CSMD1: variants seen among roughly 807,000 people sequenced by gnomAD.
The protein encoded by CSMD1 is CUB and Sushi multiple domains 1, also known as CUB and sushi domain-containing protein 1.
Under a neutral mutation model 417.5 loss-of-function variants are expected in CSMD1, and 213 were observed. That is an observed-to-expected ratio of 0.51 (90% CI 0.46 to 0.57). The LOEUF (loss-of-function observed/expected upper bound fraction) is 0.57. Among genes scored for constraint, CSMD1 ranks in the 20% least tolerant of loss-of-function variants. The pLI is 0.00. For synonymous variants in CSMD1, 2,862 were observed against 1,736.8 expected, an observed-to-expected ratio of 1.65 and a Z score of -16.11; for missense variants, 6,923 against 4,529.7, an observed-to-expected ratio of 1.53 and a Z score of -15.17.
intron 49 of CSMD1, among the ~76,000 whole-genome samples, chr8:3,065,337 G>C (rs1034084597): frequency 3.6e-4 from 54 of 151,946 alleles, no homozygotes; most frequent in Admixed American, 6.6e-4. Flanking sequence ...ACAACAGATA[G>C]AAAGATAGAT....
intron 3 of CSMD1, among the ~76,000 whole-genome samples, chr8:4,164,707 G>C (rs1430516369): frequency 6.6e-6 from 1 of 151,994 alleles, no homozygotes; most frequent in Non-Finnish European, 1.5e-5. Context: ...TGAGGTGGAG[G>C]AAAGATTCAA....
intron 3 of CSMD1, among the ~76,000 whole-genome samples, chr8:4,341,048 T>G (rs1047413928): frequency 1.3e-5 from 2 of 152,042 alleles, no homozygotes; most frequent in Non-Finnish European, 2.9e-5. Flanking sequence ...ATCTATACTC[T>G]AAATCAACGT....
At chr8:3,730,110 A>G (rs1186252075) in intron 6 of CSMD1, among the ~76,000 whole-genome samples, 2 of 152,090 alleles carry the variant, frequency 1.3e-5, no homozygotes, top group African/African-American at 2.4e-5. Context: ...CGTTTGCAAA[A>G]GTAAACTACT....
Position 2,955,762 on chromosome 8 carries a change from G to A in CSMD1, c.9821C>T (p.Ala3274Val). The change falls in exon 64 of 70, where the codon GCC becomes GTC. Residue 3274 changes from alanine to valine, a missense_variant. Ala to Val is a moderately conservative substitution (Grantham distance 64, BLOSUM62 0). Coordinates refer to ENST00000635120, the MANE Select transcript of CSMD1 (RefSeq NM_033225.6). ...TGCCGGGGTTTCTGGCTGTCTGCAG[G>A]CATGAGCTGAAACAACATTAGGAAA... ...SGIQTECIPH[A>V]CRQPETPAHA... The A allele has an allele frequency of 6.2e-7, 1 of 1,613,450 alleles. No homozygotes were observed. The highest frequency in any genetic ancestry group is 1.3e-5 in the African/African-American group (1 of 74,996).
chr8:3,797,155 A>T (rs956011839), intron 5 of CSMD1, among the ~76,000 whole-genome samples: 1 of 151,942 alleles, frequency 6.6e-6, no homozygotes, highest in Admixed American at 6.6e-5. Flanking sequence ...TCAACATAAT[A>T]ATTGAATTTC....
rs79653425 is a variant in CSMD1, at chr8:3,740,771, A to C, written c.931+13159T>G. ...ACAAAGGAAAGCAAAGGAAAAAGTG[A>C]AATGAAGAATCACTGTGTTTACCTT... On this transcript the variant is annotated intron_variant, in intron 6 of 69. Transcript: ENST00000635120. Among the ~76,000 whole-genome samples the C allele has an allele frequency of 4.9e-3, 751 of 152,320 alleles. 3 individuals are homozygous for C. The highest frequency in any genetic ancestry group is 0.017 in the African/African-American group (687 of 41,554).
Position 4,181,731 on chromosome 8 carries a change from A to G in CSMD1, c.416-149632T>C, listed in dbSNP as rs774049796. 1.2e-4 allele frequency among the ~76,000 whole-genome samples: 9 copies of G among 76,028 alleles called. 1 individual carries two copies. In the South Asian group the frequency reaches 4.3e-3, roughly 36 times the overall value. The allele number at this position is 76,028 out of a possible 152,430, so 49.9% of individuals were successfully genotyped here. A position where few individuals can be genotyped will look rare whatever the true frequency, so the allele number is the denominator to read the frequency against. ...TCTCCCCTCAGAAATTCTAAACATAAAACAAAATAAACAACAATTCTTATC... is the reference window on the plus strand; with the variant it reads ...TCTCCCCTCAGAAATTCTAAACATAGAACAAAATAAACAACAATTCTTATC... On this transcript the variant is annotated intron_variant, in intron 3 of 69. Transcript: ENST00000635120.
intron 8 of CSMD1, among the ~76,000 whole-genome samples, chr8:3,610,222 C>CT (rs1246065154): frequency 3.3e-5 from 5 of 152,094 alleles, no homozygotes; most frequent in Non-Finnish European, 7.3e-5. Context: ...TCCCATGGAA[C>CT]ATAAATAGTA....
chr8:4,343,825 C>T (rs1228791877), intron 3 of CSMD1, among the ~76,000 whole-genome samples: 7 of 152,126 alleles, frequency 4.6e-5, no homozygotes, highest in African/African-American at 9.7e-5. Flanking sequence ...TGAGACACTA[C>T]CACTTCAATT....
chr8:3,391,053 G>T (rs778296857), intron 17 of CSMD1, among the ~76,000 whole-genome samples: 3 of 152,150 alleles, frequency 2.0e-5, no homozygotes, highest in Non-Finnish European at 4.4e-5. Context: ...CCATGCGTGT[G>T]CCTGTGAGTG....
intron 49 of CSMD1, among the ~76,000 whole-genome samples, chr8:3,074,433 C>A (rs535806408): frequency 3.3e-5 from 5 of 152,302 alleles, no homozygotes; most frequent in African/African-American, 9.6e-5. Flanking sequence ...GCGTCGGTCA[C>A]CCCACCTCCT....
intron 3 of CSMD1, among the ~76,000 whole-genome samples, chr8:4,041,004 CTTTTTTTT>C (rs1226391565): frequency 1.2e-4 from 16 of 129,806 alleles, no homozygotes; most frequent in African/African-American, 3.4e-4. Context: ...TCTTTTCTTT[CTTTTTTTT>C]TTTCCTTTTT....
At chr8:3,597,797 G>C (rs141214620) in intron 8 of CSMD1, among the ~76,000 whole-genome samples, 1 of 152,048 alleles carries the variant, frequency 6.6e-6, no homozygotes, top group African/African-American at 2.4e-5. Flanking sequence ...GAGAATACAC[G>C]GACACAGGGA....
intron 28 of CSMD1, among the ~76,000 whole-genome samples, chr8:3,222,629 A>G (rs17079642): frequency 0.028 from 4,293 of 152,218 alleles, 202 homozygotes; most frequent in African/African-American, 0.097. Context: ...ACCCATTTAT[A>G]ATATCTTGAA....
chr8:3,402,507 A>T (rs1000776270), intron 15 of CSMD1, among the ~76,000 whole-genome samples: 3 of 152,140 alleles, frequency 2.0e-5, no homozygotes, highest in Non-Finnish European at 2.9e-5. Context: ...AGAAAGAGAA[A>T]CCTTTTGCCC....
At chr8:4,611,238 A>G (rs1801151061) in intron 2 of CSMD1, among the ~76,000 whole-genome samples, 1 of 152,168 alleles carries the variant, frequency 6.6e-6, no homozygotes, top group South Asian at 2.1e-4. Context: ...AATGGGTACT[A>G]TTCGTCAATT....
At chr8:4,749,987 TTAATTGAAAAAAAAATAA>T (rs1330881677) in intron 1 of CSMD1, among the ~76,000 whole-genome samples, 1 of 151,652 alleles carries the variant, frequency 6.6e-6, no homozygotes, top group East Asian at 1.9e-4. Context: ...AAACCCTTGT[TTAATTGAAAAAAAAATAA>T]TAATTATTAT....
At chr8:4,830,490 G>C (rs1294604689) in intron 1 of CSMD1, among the ~76,000 whole-genome samples, 1 of 152,150 alleles carries the variant, frequency 6.6e-6, no homozygotes, top group African/African-American at 2.4e-5. Flanking sequence ...TGTCATCATA[G>C]AAGAATCAAG....
chr8:3,301,533 G>C (rs1289582079), intron 25 of CSMD1, among the ~76,000 whole-genome samples: 1 of 152,124 alleles, frequency 6.6e-6, no homozygotes, highest in African/African-American at 2.4e-5. Flanking sequence ...ATGAATTTTT[G>C]CTGAGCCCTA....
Sources: gnomAD v4.1 joint callset for allele counts (sites outside exome capture counted in the v4.1 genomes callset) on GRCh38, gnomAD v4.1.1 for gene constraint, MANE v1.5 for transcripts, NCBI Gene and HGNC (gene_info 2026-07-23, HGNC 2026-07-21) for gene names.